The following IGFBP2 variants were observed in gnomAD, a reference collection of about 807,000 sequenced individuals.
IGFBP2 encodes the protein insulin-like growth factor-binding protein 2.
A neutral mutation model predicts 26.2 loss-of-function variants in IGFBP2; 12 were observed. The ratio of observed to expected loss-of-function variants is 0.46; its 90% CI spans 0.29 to 0.74. The LOEUF (loss-of-function observed/expected upper bound fraction) is 0.74. Ranked by LOEUF, IGFBP2 falls within the 30% of genes least tolerant of loss-of-function variation. IGFBP2 has a pLI of 0.09. For synonymous variants in IGFBP2, 189 were observed against 200.6 expected, an observed-to-expected ratio of 0.94 and a Z score of 0.49; for missense variants, 328 against 441.2, an observed-to-expected ratio of 0.74 and a Z score of 2.30.
intron 1 of IGFBP2, among the ~76,000 whole-genome samples, chr2:216,649,582 G>A (rs9341155): frequency 2.6e-5 from 4 of 152,218 alleles, no homozygotes; most frequent in African/African-American, 4.8e-5. Context: ...TTTGGGACCC[G>A]TGGAAAGGAG....
At chr2:216,644,510 G>A (rs1385861265) in intron 1 of IGFBP2, among the ~76,000 whole-genome samples, 1 of 152,140 alleles carries the variant, frequency 6.6e-6, no homozygotes, top group East Asian at 1.9e-4. Flanking sequence ...TGGGGAGGAA[G>A]TTGTACCTAC....
intron 1 of IGFBP2, among the ~76,000 whole-genome samples, chr2:216,652,351 T>C (rs1006356653): frequency 1.3e-5 from 2 of 152,170 alleles, no homozygotes; most frequent in African/African-American, 4.8e-5. Context: ...TTTTTATGTA[T>C]TTTTAGTAGA....
chr2:216,648,436 G>A (rs1257341839), intron 1 of IGFBP2, among the ~76,000 whole-genome samples: 2 of 152,158 alleles, frequency 1.3e-5, no homozygotes, highest in African/African-American at 4.8e-5. Flanking sequence ...CTGACTGGTG[G>A]ACAAGTGACC....
intron 1 of IGFBP2, among the ~76,000 whole-genome samples, chr2:216,657,009 A>G (rs552085295): frequency 6.6e-6 from 1 of 152,250 alleles, no homozygotes; most frequent in South Asian, 2.1e-4. Context: ...GGGTGATCTC[A>G]GGTACCAAGG....
intron 1 of IGFBP2, among the ~76,000 whole-genome samples, chr2:216,652,621 G>A (rs1217145215): frequency 6.6e-6 from 1 of 152,228 alleles, no homozygotes; most frequent in African/African-American, 2.4e-5. Context: ...ATTCCAGTTT[G>A]TTAATGAATC....
chr2:216,642,489 G>A (rs1468115187), intron 1 of IGFBP2, among the ~76,000 whole-genome samples: 2 of 150,202 alleles, frequency 1.3e-5, no homozygotes, highest in Admixed American at 1.3e-4. Context: ...TGTATTTTTA[G>A]TAGAGACGGG....
intron 1 of IGFBP2, among the ~76,000 whole-genome samples, chr2:216,653,291 G>A (rs975402298): frequency 6.6e-6 from 1 of 152,218 alleles, no homozygotes; most frequent in Non-Finnish European, 1.5e-5. Flanking sequence ...ATGAGATTTT[G>A]TGGGAGTCCG....
Position 216,660,647 on chromosome 2 carries a change from G to A in IGFBP2, c.533G>A (p.Arg178Gln), listed in dbSNP as rs760169381. The change falls in exon 2 of 4, where the codon CGG (arginine) becomes CAG (glutamine). Residue 178 changes from arginine (R) to glutamine (Q), a missense_variant. Coordinates refer to ENST00000233809, the MANE Select transcript of IGFBP2 (RefSeq NM_000597.3). ...NMLGGGGSAG[R>Q]KPLKSGMKEL... Reference sequence around the variant, plus strand: ...TTGGGCGGGGGAGGCAGTGCTGGCCGGAAGCCCCTCAAGTCGGGTATGAAG... The same window carrying A: ...TTGGGCGGGGGAGGCAGTGCTGGCCAGAAGCCCCTCAAGTCGGGTATGAAG... 5 of 1,614,034 alleles carry A rather than the reference G, an allele frequency of 3.1e-6. No homozygotes were observed. In the Admixed American group the frequency reaches 6.7e-5, roughly 22 times the overall value.
At chr2:216,659,585 C>A in intron 1 of IGFBP2, 1 of 709,422 alleles carries the variant, frequency 1.4e-6, no homozygotes, top group Non-Finnish European at 2.5e-6. Flanking sequence ...TCCTCTCTGC[C>A]TCCTTTGGCT....
At chr2:216,634,396 C>T (rs1388649271) in intron 1 of IGFBP2, among the ~76,000 whole-genome samples, 1 of 152,040 alleles carries the variant, frequency 6.6e-6, no homozygotes, top group Non-Finnish European at 1.5e-5. Flanking sequence ...GTGCCAGTGA[C>T]ACCAGGAACC....
chr2:216,649,720 G>C (rs1574561087), intron 1 of IGFBP2, among the ~76,000 whole-genome samples: 1 of 152,322 alleles, frequency 6.6e-6, no homozygotes, highest in East Asian at 1.9e-4. Context: ...CAAACTGTCT[G>C]CCTCAGCCCT....
intron 1 of IGFBP2, among the ~76,000 whole-genome samples, chr2:216,648,631 A>G (rs1046413188): frequency 6.6e-6 from 1 of 152,204 alleles, no homozygotes; most frequent in Admixed American, 6.5e-5. Context: ...TTTTTGAGAC[A>G]GAGCCTCTCA....
chr2:216,639,991 C>T lies in IGFBP2; in HGVS notation c.442+6026C>T, dbSNP rs964844205. 2.6e-5 allele frequency among the ~76,000 whole-genome samples: 4 copies of T among 152,230 alleles called. No individual in the cohort carries two copies. The East Asian group carries it at 7.7e-4, about 29-fold the overall frequency. ...TGTATCCAGGGAGTGCATTTCGTCT[C>T]AGCCTTTCTCTGTATGTTCCCGACT... On this transcript the variant is annotated intron_variant, in intron 1 of 3. Transcript: ENST00000233809.
intron 1 of IGFBP2, 70 bp downstream of exon 1, chr2:216,634,035 A>G: frequency 6.7e-7 from 1 of 1,498,344 alleles, no homozygotes; most frequent in Non-Finnish European, 8.9e-7. Context: ...GGGCGGCTGG[A>G]CCTTACGGAC....
chr2:216,663,576 C>T (rs542855340), intron 3 of IGFBP2: 3 of 204,998 alleles, frequency 1.5e-5, no homozygotes, highest in Non-Finnish European at 3.0e-5. Flanking sequence ...ACACCTGACG[C>T]TATGACTAAG....
At chr2:216,644,187 C>CG in intron 1 of IGFBP2, among the ~76,000 whole-genome samples, 1 of 132,050 alleles carries the variant, frequency 7.6e-6, no homozygotes, top group East Asian at 2.1e-4. Context: ...TTTCTGTGGG[C>CG]GGGGGGAGGG....
chr2:216,662,262 T>C (rs1688671802), intron 3 of IGFBP2: 1 of 520,446 alleles, frequency 1.9e-6, no homozygotes, highest in Non-Finnish European at 3.5e-6. Flanking sequence ...GGGAGGAGGC[T>C]CTTGGAGAAG....
At chr2:216,648,671 C>T (rs1011030768) in intron 1 of IGFBP2, among the ~76,000 whole-genome samples, 37 of 152,042 alleles carry the variant, frequency 2.4e-4, no homozygotes, top group African/African-American at 2.4e-4. Flanking sequence ...GTCAGTGGCG[C>T]GATCTTGGCT....
chr2:216,639,511 G>A (rs937041105), intron 1 of IGFBP2, among the ~76,000 whole-genome samples: 1 of 151,932 alleles, frequency 6.6e-6, no homozygotes, highest in Non-Finnish European at 1.5e-5. Flanking sequence ...TTTTGTTGTT[G>A]GTCCTTCCCG....
Sources: allele counts gnomAD v4.1 joint callset (sites outside exome capture counted in the v4.1 genomes callset), GRCh38; gene constraint gnomAD v4.1.1; transcripts MANE v1.5; gene names NCBI Gene and HGNC (gene_info 2026-07-23, HGNC 2026-07-21).